Variants in ELP4 observed in about 807,000 individuals in gnomAD.
ELP4 encodes the protein elongator acetyltransferase complex subunit 4.
A neutral mutation model predicts 48.9 loss-of-function variants in ELP4; 51 were observed. The observed-to-expected ratio is 1.04, with a 90% CI of 0.83 to 1.32. The LOEUF is 1.32. Among genes scored for constraint, ELP4 ranks in the 40% most tolerant of loss-of-function variants. ELP4 has a pLI of 0.00. For synonymous variants in ELP4, 210 were observed against 189.2 expected, an observed-to-expected ratio of 1.11 and a Z score of -0.90; for missense variants, 519 against 514.6, an observed-to-expected ratio of 1.01 and a Z score of -0.08.
intron 9 of ELP4, among the ~76,000 whole-genome samples, chr11:31,693,570 A>G (rs559891591): frequency 8.5e-5 from 13 of 152,300 alleles, no homozygotes; most frequent in African/African-American, 3.1e-4. Context: ...ATTGATGGAC[A>G]TTTGGGTTGG....
At chr11:31,746,031 A>C (rs1279947270) in intron 9 of ELP4, among the ~76,000 whole-genome samples, 4 of 152,238 alleles carry the variant, frequency 2.6e-5, no homozygotes. Flanking sequence ...CAATGAACTC[A>C]AACAAATTTA....
chr11:31,702,379 C>T (rs1946544414), intron 9 of ELP4, among the ~76,000 whole-genome samples: 1 of 151,684 alleles, frequency 6.6e-6, no homozygotes, highest in Non-Finnish European at 1.5e-5. Context: ...TAAAACATGT[C>T]AGGGAGAGGA....
rs1284789067 is a variant in ELP4, at chr11:31,509,919, A to C, written c.135A>C (p.Arg45=). Reference sequence around the variant, plus strand: ...GCGTGACCAACGACAGCGGCCCTCGACTGGTGTCCATTGCGGGCACGCGAC... The same window carrying C: ...GCGTGACCAACGACAGCGGCCCTCGCCTGGTGTCCATTGCGGGCACGCGAC... The part of the protein sequence containing the change: ...RASVTNDSGP[R]LVSIAGTRPS... Residue 45 remains arginine, a synonymous_variant, in exon 1 of 10, where the codon CGA becomes CGC. Coordinates refer to ENST00000640961, the MANE Select transcript of ELP4 (RefSeq NM_019040.5). 6.2e-7 allele frequency: 1 copy of C among 1,613,980 alleles called. No homozygotes were observed. Among genetic ancestry groups the C allele is most frequent in the Non-Finnish European group, 8.5e-7 (1 of 1,180,036 alleles).
intron 2 of ELP4, among the ~76,000 whole-genome samples, chr11:31,527,967 C>G (rs561521600): frequency 6.6e-6 from 1 of 152,178 alleles, no homozygotes; most frequent in South Asian, 2.1e-4. Context: ...TCCATTCTCT[C>G]CTGTCTCTAG....
At position 31,539,669 on chromosome 11, in the gene ELP4, T is replaced by G; in HGVS notation, c.267T>G (p.Asp89Glu). 6.2e-7 allele frequency: 1 copy of G among 1,604,032 alleles called. No homozygotes were observed. The highest frequency in any genetic ancestry group is 2.2e-5 in the East Asian group (1 of 44,652). ...AVGTVLLIEE[D>E]KYNIYSPLLF... ...AACTTTTCCTTTTTACAGAGGAGGA[T>G]AAATATAATATTTACTCACCTTTGC... is the stretch of plus-strand genomic sequence containing the variant. The change falls in exon 3 of 10, where the codon GAT becomes GAG. Residue 89 changes from aspartate (D) to glutamate (E), a missense_variant. Coordinates refer to ENST00000640961, the MANE Select transcript of ELP4 (RefSeq NM_019040.5).
chr11:31,659,327 G>A (rs1171416866), intron 9 of ELP4, among the ~76,000 whole-genome samples: 1 of 152,112 alleles, frequency 6.6e-6, no homozygotes, highest in Non-Finnish European at 1.5e-5. Context: ...TTTGTCAGGT[G>A]CTGTCAAGTC....
intron 9 of ELP4, among the ~76,000 whole-genome samples, chr11:31,697,008 A>G (rs1946423492): frequency 1.3e-5 from 2 of 152,100 alleles, no homozygotes; most frequent in South Asian, 4.2e-4. Flanking sequence ...AGGGGTTGCA[A>G]TCCTACTCTC....
At chr11:31,610,543 G>A (rs1592156865) in intron 5 of ELP4, among the ~76,000 whole-genome samples, 1 of 151,888 alleles carries the variant, frequency 6.6e-6, no homozygotes, top group African/African-American at 2.4e-5. Flanking sequence ...AGTGTCTATT[G>A]TTCCCACCTT....
At chr11:31,664,042 TG>T (rs1230333855) in intron 9 of ELP4, 1 of 152,154 alleles carries the variant, frequency 6.6e-6, no homozygotes, top group Non-Finnish European at 1.5e-5. Context: ...AAGAACTCAA[TG>T]TAGTGTTTTC....
chr11:31,688,602 C>T (rs561652502), intron 9 of ELP4, among the ~76,000 whole-genome samples: 217 of 152,212 alleles, frequency 1.4e-3, no homozygotes, highest in African/African-American at 4.9e-3. Context: ...CAAGAAGGTA[C>T]CACTTTGTAT....
intron 3 of ELP4, among the ~76,000 whole-genome samples, chr11:31,587,910 T>C (rs953963540): frequency 1.2e-4 from 18 of 152,282 alleles, no homozygotes; most frequent in African/African-American, 4.3e-4. Flanking sequence ...GTTTTATGTA[T>C]GCACAAATAT....
intron 9 of ELP4, among the ~76,000 whole-genome samples, chr11:31,746,682 G>T (rs1055342520): frequency 5.3e-5 from 8 of 152,036 alleles, no homozygotes; most frequent in African/African-American, 1.9e-4. Flanking sequence ...GGTGGGAATT[G>T]AACAGTGAGA....
At chr11:31,759,641 A>G (rs919353828) in intron 9 of ELP4, among the ~76,000 whole-genome samples, 2 of 151,942 alleles carry the variant, frequency 1.3e-5, no homozygotes, top group African/African-American at 4.8e-5. Flanking sequence ...ACACACTAAT[A>G]GCATTGTTTT....
chr11:31,777,096 G>T (rs1364408552), intron 9 of ELP4, among the ~76,000 whole-genome samples: 3 of 151,874 alleles, frequency 2.0e-5, no homozygotes, highest in African/African-American at 7.3e-5. Flanking sequence ...ATATTACATT[G>T]TAATAATGTA....
At chr11:31,740,784 C>T (rs1947426242) in intron 9 of ELP4, among the ~76,000 whole-genome samples, 1 of 152,194 alleles carries the variant, frequency 6.6e-6, no homozygotes, top group Non-Finnish European at 1.5e-5. Flanking sequence ...CGAATAGGAA[C>T]AGCTCCGGTC....
intron 9 of ELP4, among the ~76,000 whole-genome samples, chr11:31,763,151 G>C (rs1947980079): frequency 6.6e-6 from 1 of 151,078 alleles, no homozygotes; most frequent in African/African-American, 2.4e-5. Context: ...ACATGTCACT[G>C]TTAAAATATC....
chr11:31,692,774 C>T (rs1455923203), intron 9 of ELP4, among the ~76,000 whole-genome samples: 1 of 152,126 alleles, frequency 6.6e-6, no homozygotes, highest in Non-Finnish European at 1.5e-5. Context: ...CACCTCCTAC[C>T]ACTGTGGTCT....
intron 7 of ELP4, among the ~76,000 whole-genome samples, chr11:31,634,465 C>A (rs949485517): frequency 6.6e-5 from 10 of 151,850 alleles, no homozygotes; most frequent in African/African-American, 2.4e-4. Context: ...TGTGAGAAAA[C>A]AGAAAGAAAG....
intron 7 of ELP4, chr11:31,637,198 G>A (rs1304058535): frequency 6.6e-6 from 1 of 151,724 alleles, no homozygotes; most frequent in Non-Finnish European, 1.5e-5. Context: ...CATGTGTACA[G>A]CCCTCCATGT....
Sources: allele counts gnomAD v4.1 joint callset (sites outside exome capture counted in the v4.1 genomes callset), GRCh38; gene constraint gnomAD v4.1.1; transcripts MANE v1.5; gene names NCBI Gene and HGNC (gene_info 2026-07-23, HGNC 2026-07-21).